NEO1: variants seen among roughly 807,000 people sequenced by gnomAD.
NEO1 encodes neogenin 1.
Under a neutral mutation model 159.7 loss-of-function variants are expected in NEO1, and 63 were observed. The ratio of observed to expected loss-of-function variants is 0.39; its 90% CI spans 0.32 to 0.49. NEO1 has a LOEUF of 0.49. NEO1 is among the 20% of genes least tolerant of loss of function. The pLI is 0.85. For synonymous variants in NEO1, 633 were observed against 662.0 expected (o/e 0.96, Z 0.67); for missense variants, 1,615 against 1,831.0 (o/e 0.88, Z 2.15).
chr15:73,298,257 G>A, intron 26 of NEO1, 91 bp from the exon 27 acceptor site: 1 of 1,526,198 alleles, frequency 6.6e-7, no homozygotes, highest in Non-Finnish European at 8.9e-7. Flanking sequence ...TATTGAGCTG[G>A]TTTAGGGAAC....
At chr15:73,173,348 T>C (rs1280831967) in intron 5 of NEO1, among the ~76,000 whole-genome samples, 2 of 152,210 alleles carry the variant, frequency 1.3e-5, no homozygotes, top group African/African-American at 4.8e-5. Flanking sequence ...TGCATAGTTA[T>C]AATAATTTTA....
At chr15:73,137,152 G>A (rs755166997) in intron 5 of NEO1, among the ~76,000 whole-genome samples, 3 of 152,086 alleles carry the variant, frequency 2.0e-5, no homozygotes, top group Non-Finnish European at 4.4e-5. Context: ...CTTGATGCAC[G>A]TTAGTTTATA....
intron 7 of NEO1, among the ~76,000 whole-genome samples, chr15:73,235,402 A>G (rs746892327): frequency 1.1e-4 from 16 of 152,140 alleles, no homozygotes; most frequent in Non-Finnish European, 1.9e-4. Flanking sequence ...TACTATCAGG[A>G]CTGTTGTTTT....
intron 4 of NEO1, among the ~76,000 whole-genome samples, chr15:73,130,437 A>G (rs1296226399): frequency 6.6e-6 from 1 of 152,152 alleles, no homozygotes; most frequent in Non-Finnish European, 1.5e-5. Context: ...GCCTCAACAG[A>G]AGGTGCTCTC....
At chr15:73,212,010 C>T (rs1319031040) in intron 7 of NEO1, among the ~76,000 whole-genome samples, 3 of 152,134 alleles carry the variant, frequency 2.0e-5, no homozygotes, top group African/African-American at 7.2e-5. Flanking sequence ...TGGAGGAATA[C>T]CACAGAAGTG....
Position 73,182,981 on chromosome 15 carries a change from ACTC to A in NEO1, c.1291+4557_1291+4559del, listed in dbSNP as rs1386148005. Among the ~76,000 whole-genome samples, 5 of 152,182 alleles carry A rather than the reference ACTC, an allele frequency of 3.3e-5. No individual in the cohort carries two copies. In the South Asian group the frequency reaches 8.3e-4, roughly 25 times the overall value. On this transcript the variant is annotated intron_variant, in intron 7 of 28. Transcript: ENST00000261908. ...TACTGTAAAAGTGAGTAAGAGGAAA[ACTC>A]CTAGAGTTTTAACTAAAAGGCCTTT... is the stretch of plus-strand genomic sequence containing the variant.
chr15:73,058,430 A>G (rs892406888), intron 1 of NEO1, among the ~76,000 whole-genome samples: 1 of 152,174 alleles, frequency 6.6e-6, no homozygotes, highest in African/African-American at 2.4e-5. Context: ...TATGTTCTTT[A>G]TTCCTCTGCA....
intron 7 of NEO1, among the ~76,000 whole-genome samples, chr15:73,187,822 A>G (rs1051195478): frequency 3.9e-5 from 6 of 152,210 alleles, no homozygotes; most frequent in African/African-American, 1.4e-4. Context: ...TAATGGGTCT[A>G]CTAAAAAGCA....
At chr15:73,062,627 A>G (rs910657272) in intron 1 of NEO1, among the ~76,000 whole-genome samples, 3 of 152,240 alleles carry the variant, frequency 2.0e-5, no homozygotes, top group Non-Finnish European at 2.9e-5. Flanking sequence ...GAATTGAAAC[A>G]TGCTATTACC....
intron 16 of NEO1, among the ~76,000 whole-genome samples, chr15:73,267,297 A>G (rs917630999): frequency 1.3e-5 from 2 of 152,202 alleles, no homozygotes; most frequent in Non-Finnish European, 2.9e-5. Flanking sequence ...AAAGTAATAT[A>G]CATGTCATGT....
chr15:73,181,126 A>G (rs1034749139), intron 7 of NEO1, among the ~76,000 whole-genome samples: 16 of 152,218 alleles, frequency 1.1e-4, no homozygotes, highest in African/African-American at 3.9e-4. Flanking sequence ...CTTGAATTAT[A>G]AGATTTCTAG....
chr15:73,120,358 CT>C, intron 2 of NEO1, among the ~76,000 whole-genome samples: 1 of 150,300 alleles, frequency 6.7e-6, no homozygotes, highest in East Asian at 1.9e-4. Context: ...ATAATTTTAT[CT>C]TTATTTTTTT....
chr15:73,289,728 A>G (rs2042088321), intron 25 of NEO1, among the ~76,000 whole-genome samples: 1 of 152,174 alleles, frequency 6.6e-6, no homozygotes, highest in Non-Finnish European at 1.5e-5. Flanking sequence ...GGATTGCTGG[A>G]GGCCAGGAGT....
intron 7 of NEO1, among the ~76,000 whole-genome samples, chr15:73,201,105 T>G (rs1242086160): frequency 1.3e-5 from 2 of 152,076 alleles, no homozygotes; most frequent in African/African-American, 4.8e-5. Context: ...TAACAGTCTG[T>G]TGATCTTTAT....
intron 8 of NEO1, among the ~76,000 whole-genome samples, chr15:73,238,794 A>G (rs1301900622): frequency 6.6e-6 from 1 of 152,042 alleles, no homozygotes; most frequent in Admixed American, 6.6e-5. Flanking sequence ...TCACCATCTC[A>G]GGCGATCTTG....
intron 1 of NEO1, among the ~76,000 whole-genome samples, chr15:73,060,333 G>C (rs1260628855): frequency 6.6e-6 from 1 of 151,698 alleles, no homozygotes; most frequent in African/African-American, 2.4e-5. Flanking sequence ...GTGCGATCTT[G>C]GCTCACTGCA....
chr15:73,149,345 G>A (rs1212344992), intron 5 of NEO1, among the ~76,000 whole-genome samples: 1 of 150,360 alleles, frequency 6.7e-6, no homozygotes, highest in Non-Finnish European at 1.5e-5. Context: ...CAGTGACCAT[G>A]TTAAAAGTAA....
intron 7 of NEO1, among the ~76,000 whole-genome samples, chr15:73,189,325 G>C (rs1270894960): frequency 6.6e-6 from 1 of 152,142 alleles, no homozygotes; most frequent in Non-Finnish European, 1.5e-5. Flanking sequence ...AAACTAGGCT[G>C]CCTGTATAGT....
intron 7 of NEO1, among the ~76,000 whole-genome samples, chr15:73,217,552 C>T (rs2037968672): frequency 6.6e-6 from 1 of 152,196 alleles, no homozygotes; most frequent in Admixed American, 6.5e-5. Context: ...TTGATTCTTC[C>T]TATCCATGAG....
Sources: gnomAD v4.1 joint callset for allele counts (sites outside exome capture counted in the v4.1 genomes callset) on GRCh38, gnomAD v4.1.1 for gene constraint, MANE v1.5 for transcripts, NCBI Gene and HGNC (gene_info 2026-07-23, HGNC 2026-07-21) for gene names.